RERE: variants seen among roughly 807,000 people sequenced by gnomAD.
RERE encodes arginine-glutamic acid dipeptide repeats protein.
In RERE, 40 loss-of-function variants were observed where a neutral mutation model predicts 146.1. The observed-to-expected ratio is 0.27, with a 90% confidence interval of 0.21 to 0.36. The LOEUF is 0.36. Ranked by LOEUF, RERE falls within the 10% of genes least tolerant of loss-of-function variation. The probability of loss-of-function intolerance (pLI) is 1.00; values close to 1 mark genes in which losing one functional copy is unlikely to be tolerated. For missense variants in RERE, 1,933 were observed against 2,138.7 expected, an observed-to-expected ratio of 0.90 and a Z score of 1.90; for synonymous variants, 1,003 against 866.0, an observed-to-expected ratio of 1.16 and a Z score of -2.78.
intron 12 of RERE, among the ~76,000 whole-genome samples, chr1:8,392,308 A>C (rs1570126869): frequency 6.6e-6 from 1 of 152,366 alleles, no homozygotes; most frequent in African/African-American, 2.4e-5. Flanking sequence ...AACAAAATAC[A>C]CAATTGAAAA....
At chr1:8,745,963 G>A (rs1039256470) in intron 1 of RERE, among the ~76,000 whole-genome samples, 23 of 152,182 alleles carry the variant, frequency 1.5e-4, no homozygotes, top group African/African-American at 5.5e-4. Flanking sequence ...AGCTACTCGA[G>A]AGGCTGAAGC....
At chr1:8,586,265 C>T (rs1646427061) in intron 4 of RERE, among the ~76,000 whole-genome samples, 1 of 152,120 alleles carries the variant, frequency 6.6e-6, no homozygotes, top group Non-Finnish European at 1.5e-5. Context: ...GACATCTACA[C>T]CTGGGTGACA....
At position 8,743,729 on chromosome 1, in the gene RERE, A is replaced by G. The variant is rs375300605; in HGVS notation, c.-145+73431T>C. Among the ~76,000 whole-genome samples, 763 of 152,022 alleles carry G rather than the reference A, an allele frequency of 5.0e-3. 7 individuals carry two copies. The highest frequency in any genetic ancestry group is 0.017 in the African/African-American group (718 of 41,444). On this transcript the variant is annotated intron_variant, in intron 1 of 22. Transcript: ENST00000400908. Reference sequence around the variant, plus strand: ...CTCTACCAAGACTGATCTTTCCTTTACTTCTACAGGGCTCAGTCCCTCACT... The same window carrying G: ...CTCTACCAAGACTGATCTTTCCTTTGCTTCTACAGGGCTCAGTCCCTCACT...
At chr1:8,521,199 C>CAAAAA (rs1557670428) in intron 7 of RERE, among the ~76,000 whole-genome samples, 4 of 24,998 alleles carry the variant, frequency 1.6e-4, no homozygotes, top group Non-Finnish European at 2.9e-4. Flanking sequence ...AAAAAGAACT[C>CAAAAA]CAAGATGTAT....
intron 4 of RERE, among the ~76,000 whole-genome samples, chr1:8,599,722 T>C (rs991047586): frequency 6.6e-6 from 1 of 152,210 alleles, no homozygotes; most frequent in African/African-American, 2.4e-5. Flanking sequence ...TTTAATAGTT[T>C]AGCCCATCAA....
chr1:8,798,253 C>G (rs1198011586), intron 1 of RERE, among the ~76,000 whole-genome samples: 1 of 151,990 alleles, frequency 6.6e-6, no homozygotes, highest in African/African-American at 2.4e-5. Context: ...AAAAATTAGC[C>G]AGGCATGGTG....
chr1:8,529,289 T>TTTTTTTTTC (rs1645609760), intron 7 of RERE, among the ~76,000 whole-genome samples: 1 of 22,208 alleles, frequency 4.5e-5, no homozygotes, highest in Admixed American at 4.7e-4. Context: ...TCTCCCTTCT[T>TTTTTTTTTC]TTTTTTTTTT....
intron 12 of RERE, among the ~76,000 whole-genome samples, chr1:8,403,429 TTTTC>T (rs1285615670): frequency 2.0e-5 from 2 of 99,468 alleles, no homozygotes; most frequent in African/African-American, 8.1e-5. Flanking sequence ...TATATTCATA[TTTTC>T]TTTTTTTTTT....
At chr1:8,731,339 G>A (rs931416528) in intron 1 of RERE, among the ~76,000 whole-genome samples, 1 of 152,178 alleles carries the variant, frequency 6.6e-6, no homozygotes, top group Non-Finnish European at 1.5e-5. Flanking sequence ...CAATTGCTCA[G>A]AGCATTCTCC....
intron 12 of RERE, among the ~76,000 whole-genome samples, chr1:8,398,405 C>T (rs187933632): frequency 6.6e-6 from 1 of 152,154 alleles, no homozygotes; most frequent in East Asian, 1.9e-4. Flanking sequence ...TGGTTCTCAC[C>T]ATCTCCCCAT....
At chr1:8,640,285 A>C (rs1379026416) in intron 2 of RERE, among the ~76,000 whole-genome samples, 1 of 151,770 alleles carries the variant, frequency 6.6e-6, no homozygotes, top group African/African-American at 2.4e-5. Context: ...TTTTTTTTTT[A>C]AACTATATGA....
At chr1:8,431,864 C>T (rs556876964) in intron 11 of RERE, among the ~76,000 whole-genome samples, 1 of 152,306 alleles carries the variant, frequency 6.6e-6, no homozygotes, top group Non-Finnish European at 1.5e-5. Context: ...CTGTCAGCTG[C>T]AGCAGAGTTC....
At chr1:8,740,721 T>C (rs4908508) in intron 1 of RERE, among the ~76,000 whole-genome samples, 30,659 of 152,134 alleles carry the variant, frequency 0.2, 3,233 homozygotes, top group Middle Eastern at 0.27. Context: ...AGCCTAGGCA[T>C]ACACAGGGTG....
chr1:8,477,012 T>C (rs1180527938), intron 10 of RERE, among the ~76,000 whole-genome samples: 3 of 152,206 alleles, frequency 2.0e-5, no homozygotes, highest in Non-Finnish European at 2.9e-5. Context: ...AAACACTAAA[T>C]GAATGGCTCC....
chr1:8,716,299 C>T (rs531825474), intron 1 of RERE, among the ~76,000 whole-genome samples: 3 of 109,590 alleles, frequency 2.7e-5, no homozygotes, highest in Non-Finnish European at 3.8e-5. Flanking sequence ...CTCATCTCTA[C>T]AAAAAAAAAA....
At chr1:8,621,030 C>T (rs1180694936) in intron 3 of RERE, among the ~76,000 whole-genome samples, 5 of 152,000 alleles carry the variant, frequency 3.3e-5, no homozygotes, top group Non-Finnish European at 5.9e-5. Context: ...AATACACCTA[C>T]CAGTGTAGGA....
intron 4 of RERE, among the ~76,000 whole-genome samples, chr1:8,613,848 G>GAA (rs1320514017): frequency 6.6e-6 from 1 of 151,340 alleles, no homozygotes; most frequent in Non-Finnish European, 1.5e-5. Context: ...ACCATTACAG[G>GAA]AAAAAAAAGG....
chr1:8,560,874 G>A (rs1646070382), intron 4 of RERE, among the ~76,000 whole-genome samples: 1 of 152,152 alleles, frequency 6.6e-6, no homozygotes, highest in South Asian at 2.1e-4. Context: ...TTACTTCACT[G>A]AGCATACAGG....
intron 7 of RERE, 94 bp downstream of exon 7, chr1:8,541,120 A>T: frequency 1.6e-6 from 1 of 628,238 alleles, no homozygotes; most frequent in Non-Finnish European, 2.7e-6. Flanking sequence ...GTGTATGTCC[A>T]GAAGCATAAA....
Sources: gnomAD v4.1 joint callset for allele counts (sites outside exome capture counted in the v4.1 genomes callset) on GRCh38, gnomAD v4.1.1 for gene constraint, MANE v1.5 for transcripts, NCBI Gene and HGNC (gene_info 2026-07-23, HGNC 2026-07-21) for gene names.